Variants in SPATC1 observed in about 807,000 individuals in gnomAD.
SPATC1 encodes the protein speriolin.
SPATC1 carries 35 observed loss-of-function variants against 36.5 expected under a neutral mutation model. The observed-to-expected ratio is 0.96, with a 90% CI of 0.73 to 1.27. The LOEUF (loss-of-function observed/expected upper bound fraction) is 1.27, where lower values mean the gene tolerates loss of function less well. Among genes scored for constraint, SPATC1 ranks in the 50% most tolerant of loss-of-function variants. The probability of loss-of-function intolerance (pLI) is 0.00; values close to 1 mark genes in which losing one functional copy is unlikely to be tolerated. For missense variants in SPATC1, 779 were observed against 796.0 expected (o/e 0.98, Z 0.26); for synonymous variants, 361 against 353.6 (o/e 1.02, Z -0.24).
At chr8:144,011,750 C>T (rs1332009228), upstream of SPATC1, among the ~76,000 whole-genome samples, 12 of 152,088 alleles carry the variant, frequency 7.9e-5, no homozygotes, top group East Asian at 1.9e-4. The surrounding 1 kb of genome is among the most constrained non-coding windows in gnomAD (Gnocchi z 4.5). Context: ...GATCCAAGTG[C>T]GGAGAAGGCA....
chr8:144,035,166 C>G (rs1292046574), intron 1 of SPATC1, among the ~76,000 whole-genome samples: 2 of 152,204 alleles, frequency 1.3e-5, no homozygotes, highest in African/African-American at 2.4e-5. Context: ...GCCCCCTGCT[C>G]TCACAGGCCC....
In SPATC1 at chr8:144,040,725, C is replaced by A; in HGVS notation, c.924C>A (p.Ala308=). ...AFSFNTSDTQ[A]QPSAAQEQVV... is the part of the protein sequence containing the mutation. ...CCTTCAACACTTCGGACACACAGGC[C>A]CAGCCCAGTGCCGCCCAGGAACAAG... Residue 308 remains alanine (A), a synonymous_variant, in exon 3 of 5, where the codon GCC becomes GCA. Coordinates refer to ENST00000377470, the MANE Select transcript of SPATC1 (RefSeq NM_198572.3). 6.2e-7 allele frequency: 1 copy of A among 1,613,536 alleles called. No homozygotes were observed. The highest frequency in any genetic ancestry group is 1.1e-5 in the South Asian group (1 of 91,046).
chr8:144,020,783 G>C (rs1366852818), intron 1 of SPATC1, among the ~76,000 whole-genome samples: 1 of 116,760 alleles, frequency 8.6e-6, no homozygotes, highest in East Asian at 2.6e-4. Flanking sequence ...TCTTCCCTTA[G>C]GGCCCTCTCC....
intron 1 of SPATC1, among the ~76,000 whole-genome samples, chr8:144,013,819 G>T (rs2133092613): frequency 6.6e-6 from 1 of 152,274 alleles, no homozygotes; most frequent in South Asian, 2.1e-4. Context: ...TTCTGGACAT[G>T]GTGGTTCACG....
intron 1 of SPATC1, among the ~76,000 whole-genome samples, chr8:144,037,148 G>A (rs1250686689): frequency 8.0e-6 from 1 of 125,342 alleles, no homozygotes; most frequent in Non-Finnish European, 1.6e-5. Context: ...GGGAGGTGGG[G>A]GGGTCAGCCC....
At chr8:144,019,572 C>G (rs1834462352) in intron 1 of SPATC1, among the ~76,000 whole-genome samples, 1 of 152,124 alleles carries the variant, frequency 6.6e-6, no homozygotes. Flanking sequence ...GCGTCCTGCT[C>G]CTGAGGGCTC....
At chr8:144,026,263 C>A (rs1834675278) in intron 1 of SPATC1, among the ~76,000 whole-genome samples, 1 of 152,166 alleles carries the variant, frequency 6.6e-6, no homozygotes, top group East Asian at 1.9e-4. Flanking sequence ...TAGCTCCTGG[C>A]TATAGTTAGG....
At chr8:144,020,409 C>T (rs1363303430) in intron 1 of SPATC1, among the ~76,000 whole-genome samples, 1 of 150,924 alleles carries the variant, frequency 6.6e-6, no homozygotes, top group Non-Finnish European at 1.5e-5. Context: ...ACCCTCTCCC[C>T]TCAGTGCCCT....
At chr8:144,012,926 CT>C (rs1463353064) in intron 1 of SPATC1, among the ~76,000 whole-genome samples, 200 bp downstream of exon 1, 1 of 152,084 alleles carries the variant, frequency 6.6e-6, no homozygotes, top group African/African-American at 2.4e-5. Flanking sequence ...CAGGGTGGAC[CT>C]CTCCACAGGT....
At chr8:144,042,163 T>C (rs1835119151) in intron 4 of SPATC1, 2 of 290,722 alleles carry the variant, frequency 6.9e-6, no homozygotes, top group African/African-American at 4.6e-5. Flanking sequence ...AGCCTCTTTT[T>C]TTGACACAGC....
rs1294754884 is a variant in SPATC1, at chr8:144,014,471, GAAGAAGGAAGGAAGGA to G, written c.211+1767_211+1782del. Among the ~76,000 whole-genome samples, 144 of 151,532 alleles carry G rather than the reference GAAGAAGGAAGGAAGGA, an allele frequency of 9.5e-4. 1 individual carries two copies. The highest frequency in any genetic ancestry group is 2.9e-3 in the African/African-American group (118 of 41,318). Reference sequence around the variant, plus strand: ...AAGAAGAAAATAAAACAAAAGAAAAGAAGAAGGAAGGAAGGAAAGAAGGAAGGAAGGAAAGAAATCT... The same window carrying G: ...AAGAAGAAAATAAAACAAAAGAAAAGAAGAAGGAAGGAAGGAAAGAAATCT... On this transcript the variant is annotated intron_variant, in intron 1 of 4. Coordinates refer to ENST00000377470, the MANE Select transcript of SPATC1 (RefSeq NM_198572.3).
Position 144,016,977 on chromosome 8 carries a change from G to T in SPATC1, c.211+4251G>T, listed in dbSNP as rs1318657383. Among the ~76,000 whole-genome samples, 2 of 152,158 alleles carry T rather than the reference G, an allele frequency of 1.3e-5. No homozygotes were observed. Among genetic ancestry groups the T allele is most frequent in the East Asian group, 3.8e-4 (2 of 5,204 alleles). On this transcript the variant is annotated intron_variant, in intron 1 of 4. Coordinates refer to ENST00000377470, the MANE Select transcript of SPATC1 (RefSeq NM_198572.3). The surrounding 1 kb of genome is among the most constrained non-coding windows in gnomAD (Gnocchi z 4.5). ...TGTAACAGAGAATAATCATGTTTGT[G>T]CTTCAGAAACGTTACCCCAGATGCT...
At chr8:144,033,346 T>C (rs1413303371) in intron 1 of SPATC1, among the ~76,000 whole-genome samples, 1 of 151,316 alleles carries the variant, frequency 6.6e-6, no homozygotes, top group Non-Finnish European at 1.5e-5. Flanking sequence ...TGCAGTGAGC[T>C]GAGATAGTGC....
chr8:144,042,392 TCAC>T (rs1376917743), intron 4 of SPATC1, among the ~76,000 whole-genome samples: 1 of 140,378 alleles, frequency 7.1e-6, no homozygotes, highest in Admixed American at 7.7e-5. Flanking sequence ...CGATCTCGGA[TCAC>T]CACAACCTCT....
intron 1 of SPATC1, among the ~76,000 whole-genome samples, chr8:144,027,879 G>C (rs1307399533): frequency 6.6e-6 from 1 of 152,062 alleles, no homozygotes; most frequent in Non-Finnish European, 1.5e-5. Context: ...TATAATCCCA[G>C]CTACTCGGGA....
chr8:144,043,274 C>T (rs980485159), intron 4 of SPATC1, among the ~76,000 whole-genome samples: 12 of 150,112 alleles, frequency 8.0e-5, no homozygotes, highest in Non-Finnish European at 7.4e-5. Context: ...GGATTACAGG[C>T]GTGAGCCACG....
intron 1 of SPATC1, among the ~76,000 whole-genome samples, chr8:144,029,456 A>G (rs1834752696): frequency 6.6e-6 from 1 of 152,066 alleles, no homozygotes; most frequent in African/African-American, 2.4e-5. Flanking sequence ...AATCCCAGCT[A>G]CTCGGGAGGC....
chr8:144,044,498 C>T (rs1305517175), intron 4 of SPATC1, among the ~76,000 whole-genome samples: 11 of 149,690 alleles, frequency 7.3e-5, no homozygotes, highest in African/African-American at 2.2e-4. Flanking sequence ...TTAGTAAAGA[C>T]GGGGTTTCAC....
At chr8:144,023,773 A>C (rs1834606454) in intron 1 of SPATC1, among the ~76,000 whole-genome samples, 39 of 322 alleles carry the variant, frequency 0.12, 17 homozygotes, top group Admixed American at 0.21. Context: ...CCCTTTCCCT[A>C]AGGTCCCTCT....
Sources: allele counts gnomAD v4.1 joint callset (sites outside exome capture counted in the v4.1 genomes callset), GRCh38; gene constraint gnomAD v4.1.1; non-coding constraint Gnocchi (gnomAD v3.1); transcripts MANE v1.5; gene names NCBI Gene and HGNC (gene_info 2026-07-23, HGNC 2026-07-21).